KMT2B: variants seen among roughly 807,000 people sequenced by gnomAD.
The protein encoded by KMT2B is histone-lysine N-methyltransferase 2B.
Under a neutral mutation model 255.3 loss-of-function variants are expected in KMT2B, and 22 were observed. The ratio of observed to expected loss-of-function variants is 0.09; its 90% CI spans 0.06 to 0.12. The LOEUF (loss-of-function observed/expected upper bound fraction) is 0.12, where lower values mean the gene tolerates loss of function less well. Ranked by LOEUF, KMT2B falls within the 10% of genes least tolerant of loss-of-function variation. KMT2B has a pLI of 1.00. For missense variants in KMT2B, 3,149 were observed against 3,737.0 expected (o/e 0.84, Z 4.10); for synonymous variants, 1,730 against 1,498.1 (o/e 1.15, Z -3.57).
In KMT2B at chr19:35,730,024, C is replaced by G; in HGVS notation, c.4975C>G (p.Leu1659Val). The G allele has an allele frequency of 1.2e-6, 2 of 1,613,856 alleles. No individual in the cohort carries two copies. The highest frequency in any genetic ancestry group is 8.5e-7 in the Non-Finnish European group (1 of 1,179,858). Residue 1659 changes from leucine to valine, a missense_variant, in exon 23 of 37, where the codon CTC (leucine) becomes GTC (valine). Leu to Val is a conservative substitution (Grantham distance 32). Transcript: ENST00000420124. ...GGTGGGCTGCTGCCTGTCCTCCTGC[C>G]TCAGCAACTTCCACTTCATGTGTGC... ...ATVGCCLSSC[L>V]SNFHFMCARA...
Position 35,725,812 on chromosome 19 carries a change from C to A in KMT2B, c.3879C>A (p.Arg1293=). The part of the protein sequence containing the change: ...SYPTRATRKR[R]HWICSACVRC... ...CAACCCGGGCCACGCGCAAACGGCG[C>A]CACTGGGTGAGAGATGAGGTTCACC... The change falls in exon 13 of 37, where the codon CGC becomes CGA. Residue 1293 remains arginine, a synonymous_variant. Transcript: ENST00000420124. The surrounding 1 kb of genome is among the most constrained non-coding windows in gnomAD (Gnocchi z 4.1). 1 of 1,573,972 alleles carries A rather than the reference C, an allele frequency of 6.4e-7. No homozygotes were observed. Among genetic ancestry groups the A allele is most frequent in the Non-Finnish European group, 8.6e-7 (1 of 1,160,230 alleles).
Position 35,737,947 on chromosome 19 carries a change from G to A in KMT2B, c.7742+5G>A, listed in dbSNP as rs779508092. ...AGAAGCTGTGGGTGTCTACAGGTGA[G>A]TGGGGTTGGGGGGGAGGATGCCCCT... On this transcript the variant is annotated splice_donor_5th_base_variant and intron_variant, in intron 35 of 36. Transcript: ENST00000420124. This position sits in a 1 kb window ranked among gnomAD's most constrained non-coding sequence, Gnocchi z 5.3. 16 of 1,602,476 alleles carry A rather than the reference G, an allele frequency of 1.0e-5. No homozygotes were observed. Among genetic ancestry groups the A allele is most frequent in the Non-Finnish European group, 1.4e-5 (16 of 1,174,140 alleles).
chr19:35,722,606 T>C lies in KMT2B; in HGVS notation c.2610T>C (p.His870=), dbSNP rs1969266668. 1 of 1,611,754 alleles carries C rather than the reference T, an allele frequency of 6.2e-7. No individual in the cohort carries two copies. The highest frequency in any genetic ancestry group is 1.7e-5 in the Admixed American group (1 of 59,788). Residue 870 remains histidine (H), a synonymous_variant, in exon 5 of 37, where the codon CAT becomes CAC. Coordinates refer to ENST00000420124, the MANE Select transcript of KMT2B (RefSeq NM_014727.3). ...CTGTGCAAGGTCCCCGCATCAAACA[T>C]GTCTGCCGTCATGCTGCTGTGGCCC... ...ESPVQGPRIK[H]VCRHAAVALG...
chr19:35,718,099 C>CGGCGGG lies in KMT2B; in HGVS notation c.91_96dup (p.Gly31_Gly32dup), dbSNP rs1275530480. 1 of 990,496 alleles carries CGGCGGG rather than the reference C, an allele frequency of 1.0e-6. No homozygotes were observed. The highest frequency in any genetic ancestry group is 1.2e-6 in the Non-Finnish European group (1 of 834,714). 61.4% of individuals were successfully genotyped at this position (990,496 alleles called of 1,614,324 possible). The stretch of plus-strand genomic sequence containing the variant: ...GCTTCCCGGGCCGGCCGCGGGGCGC[C>CGGCGGG]GGCGGGGGCGGGGGCCGCGGCGGAC... On this transcript the variant is annotated inframe_insertion, in exon 1 of 37. Transcript: ENST00000420124. This position sits in a 1 kb window ranked among gnomAD's most constrained non-coding sequence, Gnocchi z 5.0.
At chr19:35,721,894 T>G (rs2146441212) in intron 3 of KMT2B, 90 bp downstream of exon 3, 1 of 1,436,066 alleles carries the variant, frequency 7.0e-7, no homozygotes, top group East Asian at 2.5e-5. Context: ...TTGGACACTT[T>G]CCAGCATTGC....
At position 35,723,075 on chromosome 19, in the gene KMT2B, G is replaced by C. The variant is rs763368945; in HGVS notation, c.2803G>C (p.Glu935Gln). 2 of 1,613,170 alleles carry C rather than the reference G, an allele frequency of 1.2e-6. No homozygotes were observed. The highest frequency in any genetic ancestry group is 1.1e-5 in the South Asian group (1 of 91,072). ...GGTGGAGGCAGCAGGCCCTGGGGGA[G>C]AATCAGAGCCCACAGGTTCTGGAGG... Reference protein sequence around the residue: ...GKVEAAGPGGESEPTGSGGTL... With the variant: ...GKVEAAGPGGQSEPTGSGGTL... The change falls in exon 6 of 37, where the codon GAA becomes CAA. Residue 935 changes from glutamate (E) to glutamine (Q), a missense_variant. This residue lies in a region of KMT2B where 132 missense variants were observed against 174.7 expected (regional missense o/e 0.76). Transcript: ENST00000420124. This position sits in a 1 kb window ranked among gnomAD's most constrained non-coding sequence, Gnocchi z 7.5.
chr19:35,719,297 T>G (rs1280558846), intron 1 of KMT2B, among the ~76,000 whole-genome samples, 172 bp from the exon 2 acceptor site: 4 of 152,196 alleles, frequency 2.6e-5, no homozygotes, highest in Admixed American at 2.0e-4. Context: ...CCTCCATCCC[T>G]AGGGAGAGAC....
chr19:35,719,127 TCC>T (rs1969080283), intron 1 of KMT2B, among the ~76,000 whole-genome samples: 1 of 151,836 alleles, frequency 6.6e-6, no homozygotes, highest in African/African-American at 2.4e-5. Context: ...TCAGTGGAGG[TCC>T]CACTTTGGTC....
Position 35,727,487 on chromosome 19 carries a change from C to T in KMT2B, c.4167C>T (p.Thr1389=), listed in dbSNP as rs1327770872. 3.1e-6 allele frequency: 5 copies of T among 1,612,592 alleles called. No individual in the cohort carries two copies. Among genetic ancestry groups the T allele is most frequent in the Non-Finnish European group, 3.4e-6 (4 of 1,179,850 alleles). Residue 1389 remains threonine (T), a synonymous_variant, in exon 16 of 37, where the codon ACC becomes ACT. Coordinates refer to ENST00000420124, the MANE Select transcript of KMT2B (RefSeq NM_014727.3). This position sits in a 1 kb window ranked among gnomAD's most constrained non-coding sequence, Gnocchi z 4.2. ...LSGLPDSVLY[T]CGPCAGAAQP... is the part of the protein sequence containing the mutation. The stretch of plus-strand genomic sequence containing the variant: ...GACTGCCAGACTCGGTGCTGTACAC[C>T]TGCGGACCGTGTGCTGGGGCAGCGC...
At chr19:35,726,113 C>T (rs902084106) in intron 13 of KMT2B, 123 bp from the exon 14 acceptor site, 35 of 734,142 alleles carry the variant, frequency 4.8e-5, no homozygotes, top group Admixed American at 8.3e-5. Flanking sequence ...TGCGTGTTTT[C>T]TCCTCTTACC....
Position 35,736,955 on chromosome 19 carries a change from G to C in KMT2B, c.7341G>C (p.Gly2447=), listed in dbSNP as rs1969939564. ...TLIEKVQEAR[G]HARLRHLSFS... ...TCGAGAAAGTGCAAGAGGCCCGAGG[G>C]CATGCCCGACTCAGACATCTCTCCT... Residue 2447 remains glycine, a synonymous_variant, in exon 32 of 37, where the codon GGG becomes GGC. Transcript: ENST00000420124. 6.2e-7 allele frequency: 1 copy of C among 1,613,908 alleles called. No homozygotes were observed. Among genetic ancestry groups the C allele is most frequent in the Non-Finnish European group, 8.5e-7 (1 of 1,179,850 alleles).
chr19:35,722,966 C>T lies in KMT2B; in HGVS notation c.2723-29C>T, dbSNP rs1032519217. On this transcript the variant is annotated intron_variant, in intron 5 of 36. Transcript: ENST00000420124. ...TAGAAGCCTGGTGGCTTTGTGGCTC[C>T]ATCCCCTCCTCCCTGCCTGCTGCAA... The T allele has an allele frequency of 4.0e-6, 6 of 1,513,752 alleles. No individual in the cohort carries two copies. The Admixed American group carries it at 6.2e-5, about 16-fold the overall frequency. 93.8% of individuals were successfully genotyped at this position (1,513,752 alleles called of 1,614,324 possible). A position where few individuals can be genotyped will look rare whatever the true frequency, so the allele number is the denominator to read the frequency against.
intron 3 of KMT2B, among the ~76,000 whole-genome samples, 163 bp downstream of exon 3, chr19:35,721,967 G>T (rs1345301855): frequency 6.7e-6 from 1 of 150,300 alleles, no homozygotes; most frequent in Non-Finnish European, 1.5e-5. Context: ...CCCCAGACCT[G>T]GCCCTTCTCT....
chr19:35,722,779 T>G, intron 5 of KMT2B, 61 bp downstream of exon 5: 1 of 1,528,888 alleles, frequency 6.5e-7, no homozygotes, highest in Non-Finnish European at 8.8e-7. Flanking sequence ...TTGGGTGACA[T>G]GCACCAAGAG....
In KMT2B at chr19:35,732,458, C is replaced by G. The variant is rs1203473229; in HGVS notation, c.5909C>G (p.Pro1970Arg). ...PPGPAPSPPP[P>R]EDLGPDFEDM... ...GGCCCGGCCCCATCTCCACCACCCC[C>G]TGAAGACCTGGGCCCAGACTTCGAG... The change falls in exon 28 of 37, where the codon CCT becomes CGT. Residue 1970 changes from proline (P) to arginine (R), a missense_variant. By Grantham distance (103) the Pro-to-Arg change is moderately radical. Transcript: ENST00000420124. 4.3e-6 allele frequency: 7 copies of G among 1,613,892 alleles called. No homozygotes were observed. Among genetic ancestry groups the G allele is most frequent in the South Asian group, 1.1e-5 (1 of 91,080 alleles).
In KMT2B at chr19:35,737,537, T is replaced by A; in HGVS notation, c.7551-99T>A. ...TCTCTAAAATAAAAATTTAAAAAAG[T>A]TATTTCTAGAGCTGACATCAGAAAA... On this transcript the variant is annotated intron_variant, in intron 33 of 36. Transcript: ENST00000420124. This position sits in a 1 kb window ranked among gnomAD's most constrained non-coding sequence, Gnocchi z 5.3. 1.1e-6 allele frequency: 1 copy of A among 884,952 alleles called. No individual in the cohort carries two copies. Among genetic ancestry groups the A allele is most frequent in the Non-Finnish European group, 1.7e-6 (1 of 586,026 alleles). The allele number at this position is 884,952 out of a possible 1,614,324, so 54.8% of individuals were successfully genotyped here.
At position 35,719,817 on chromosome 19, in the gene KMT2B, A is replaced by G. The variant is rs1472666897; in HGVS notation, c.470A>G (p.Lys157Arg). Residue 157 changes from lysine (K) to arginine (R), a missense_variant, in exon 3 of 37, where the codon AAG (lysine) becomes AGG (arginine). Transcript: ENST00000420124. Reference protein sequence around the residue: ...RAPRGRGRKHKTTPLPPPRLA... With the variant: ...RAPRGRGRKHRTTPLPPPRLA... ...CCCCGAGGTCGGGGTCGCAAGCATA[A>G]GACGACCCCCCTTCCTCCTCCTCGC... 7.5e-6 allele frequency: 12 copies of G among 1,607,972 alleles called. No homozygotes were observed. The highest frequency in any genetic ancestry group is 1.0e-5 in the Non-Finnish European group (12 of 1,177,696).
rs1969320397 is a variant in KMT2B, at chr19:35,723,933, A to G, written c.3260A>G (p.Asp1087Gly). 1 of 1,612,252 alleles carries G rather than the reference A, an allele frequency of 6.2e-7. No homozygotes were observed. Among genetic ancestry groups the G allele is most frequent in the African/African-American group, 1.3e-5 (1 of 74,910 alleles). ...TGCGTCAAACAGCGACCCTCCTATG[A>G]TATCTTCGAGGATTCGGATGACTCG... ...RRCVKQRPSY[D>G]IFEDSDDSEP... Residue 1087 changes from aspartate to glycine, a missense_variant, in exon 8 of 37, where the codon GAT (aspartate) becomes GGT (glycine). Asp to Gly is a moderately conservative substitution (Grantham distance 94). Coordinates refer to ENST00000420124, the MANE Select transcript of KMT2B (RefSeq NM_014727.3). The surrounding 1 kb of genome is among the most constrained non-coding windows in gnomAD (Gnocchi z 7.5).
intron 13 of KMT2B, 34 bp from the exon 14 acceptor site, chr19:35,726,202 C>T (rs1440714153): frequency 1.3e-6 from 2 of 1,545,952 alleles, no homozygotes; most frequent in Non-Finnish European, 1.8e-6. Context: ...AGTCCAGTGC[C>T]TGGTTTTCCC....
Sources: allele counts gnomAD v4.1 joint callset (sites outside exome capture counted in the v4.1 genomes callset), GRCh38; gene constraint gnomAD v4.1.1; regional missense constraint gnomAD v4.1.1; non-coding constraint Gnocchi (gnomAD v3.1); transcripts MANE v1.5; gene names NCBI Gene and HGNC (gene_info 2026-07-23, HGNC 2026-07-21).